Variants in LUZP2 observed in about 807,000 individuals in gnomAD.
LUZP2 encodes leucine zipper protein 2.
LUZP2 carries 52 observed loss-of-function variants against 51.6 expected under a neutral mutation model. That is an observed-to-expected ratio of 1.01 (90% CI 0.81 to 1.27). The LOEUF (loss-of-function observed/expected upper bound fraction) is 1.27, where lower values mean the gene tolerates loss of function less well. LUZP2 is among the 50% of genes most tolerant of loss of function. The pLI, the probability that LUZP2 is intolerant of heterozygous loss-of-function variation, is 0.00. For synonymous variants in LUZP2, 154 were observed against 137.3 expected (o/e 1.12, Z -0.85); for missense variants, 436 against 395.4 (o/e 1.10, Z -0.87).
At chr11:24,932,637 C>G (rs1166831023) in intron 7 of LUZP2, among the ~76,000 whole-genome samples, 1 of 152,170 alleles carries the variant, frequency 6.6e-6, no homozygotes, top group Non-Finnish European at 1.5e-5. Flanking sequence ...AAAGGCTGCT[C>G]TCACTCTCAC....
intron 9 of LUZP2, among the ~76,000 whole-genome samples, chr11:25,042,871 A>T (rs1590868392): frequency 6.6e-6 from 1 of 152,266 alleles, no homozygotes; most frequent in Middle Eastern, 3.4e-3. Flanking sequence ...CCAGGATCCT[A>T]TGGAGTGAAA....
chr11:24,814,477 T>C (rs1205634167), intron 5 of LUZP2, among the ~76,000 whole-genome samples: 1 of 152,200 alleles, frequency 6.6e-6, no homozygotes, highest in Non-Finnish European at 1.5e-5. Flanking sequence ...TTCTGATATA[T>C]GTAAATGCTT....
intron 1 of LUZP2, among the ~76,000 whole-genome samples, chr11:24,653,805 A>G (rs1480346314): frequency 6.6e-6 from 1 of 152,240 alleles, no homozygotes; most frequent in Non-Finnish European, 1.5e-5. Context: ...AAGAGAGTCT[A>G]CAAATGTGTA....
intron 5 of LUZP2, among the ~76,000 whole-genome samples, chr11:24,812,982 C>A (rs558827427): frequency 1.3e-5 from 2 of 152,308 alleles, no homozygotes; most frequent in East Asian, 3.9e-4. Flanking sequence ...GCCACTCATG[C>A]CATATGCATA....
intron 10 of LUZP2, among the ~76,000 whole-genome samples, chr11:25,069,418 C>T (rs1859089549): frequency 6.6e-6 from 1 of 151,802 alleles, no homozygotes; most frequent in Non-Finnish European, 1.5e-5. Context: ...GCATCTGGTA[C>T]ATAACAGATA....
At chr11:24,974,383 A>G (rs1369561209) in intron 7 of LUZP2, among the ~76,000 whole-genome samples, 1 of 151,986 alleles carries the variant, frequency 6.6e-6, no homozygotes, top group Non-Finnish European at 1.5e-5. Context: ...TTGACTCTTT[A>G]TCAACGTTGC....
chr11:24,645,577 A>G (rs1381188413), intron 1 of LUZP2, among the ~76,000 whole-genome samples: 1 of 152,156 alleles, frequency 6.6e-6, no homozygotes, highest in Non-Finnish European at 1.5e-5. Flanking sequence ...TTTTGGTTCT[A>G]AAACAAACAG....
intron 5 of LUZP2, among the ~76,000 whole-genome samples, chr11:24,822,437 G>C (rs1194168904): frequency 1.3e-5 from 2 of 152,054 alleles, no homozygotes; most frequent in African/African-American, 4.8e-5. Flanking sequence ...GTGTGGGTGT[G>C]GGTGTGTGTT....
intron 5 of LUZP2, among the ~76,000 whole-genome samples, chr11:24,840,759 T>C (rs1851004481): frequency 1.3e-5 from 2 of 151,962 alleles, no homozygotes; most frequent in Admixed American, 6.6e-5. Flanking sequence ...ACAGAAAGCA[T>C]GTCTCCATAT....
At position 25,081,852 on chromosome 11, in the gene LUZP2, CA is replaced by C. The variant is rs1370633416; in HGVS notation, c.*3196del. The C allele has an allele frequency of 6.6e-6, 1 of 151,946 alleles. No homozygotes were observed. The highest frequency in any genetic ancestry group is 1.5e-5 in the Non-Finnish European group (1 of 67,960). The allele number at this position is 151,946 out of a possible 1,614,324, so 9.4% of individuals were successfully genotyped here. A position where few individuals can be genotyped will look rare whatever the true frequency, so the allele number is the denominator to read the frequency against. On this transcript the variant is annotated 3_prime_UTR_variant, in exon 12 of 12. Coordinates refer to ENST00000336930, the MANE Select transcript of LUZP2 (RefSeq NM_001009909.4). ...TCTTATTAAGAAAAAAGATATTTTC[CA>C]ATGGAGTAACTTGTTTTAATAGAGG...
intron 4 of LUZP2, among the ~76,000 whole-genome samples, chr11:24,739,116 G>T (rs970643309): frequency 6.6e-6 from 1 of 152,032 alleles, no homozygotes; most frequent in African/African-American, 2.4e-5. Flanking sequence ...CCACAGAGGG[G>T]CCACACGGGG....
intron 1 of LUZP2, among the ~76,000 whole-genome samples, chr11:24,632,313 T>C (rs1854925154): frequency 1.3e-5 from 2 of 152,028 alleles, no homozygotes; most frequent in African/African-American, 4.8e-5. Flanking sequence ...TGAAAGAGCT[T>C]GCTGTTTTCT....
intron 5 of LUZP2, among the ~76,000 whole-genome samples, chr11:24,816,383 T>C (rs1850184129): frequency 6.6e-6 from 1 of 152,142 alleles, no homozygotes; most frequent in South Asian, 2.1e-4. Flanking sequence ...GGTTAAAAAG[T>C]GTTTTTAAGC....
intron 5 of LUZP2, among the ~76,000 whole-genome samples, chr11:24,897,216 G>A (rs554947075): frequency 1.1e-4 from 17 of 152,234 alleles, no homozygotes; most frequent in Non-Finnish European, 2.1e-4. Context: ...TCAGCACTCC[G>A]TAAAATGGGC....
At chr11:24,601,397 C>A (rs1220281653) in intron 1 of LUZP2, among the ~76,000 whole-genome samples, 1 of 151,868 alleles carries the variant, frequency 6.6e-6, no homozygotes, top group Non-Finnish European at 1.5e-5. Context: ...GTGGAGTTAA[C>A]AATTTTTTTA....
chr11:25,044,253 GTGTGTATATATATATA>G (rs1485246593), intron 9 of LUZP2, among the ~76,000 whole-genome samples: 92 of 31,792 alleles, frequency 2.9e-3, no homozygotes, highest in Non-Finnish European at 4.0e-3. Flanking sequence ...GTGTGTGTGT[GTGTGTATATATATATA>G]TATATATATA....
intron 9 of LUZP2, among the ~76,000 whole-genome samples, chr11:25,032,989 A>G (rs1053155415): frequency 1.3e-5 from 2 of 152,202 alleles, no homozygotes; most frequent in African/African-American, 4.8e-5. Flanking sequence ...ATTATACAGA[A>G]TCCCATAAGA....
At chr11:24,832,642 A>G (rs999233287) in intron 5 of LUZP2, among the ~76,000 whole-genome samples, 1 of 151,690 alleles carries the variant, frequency 6.6e-6, no homozygotes, top group African/African-American at 2.4e-5. Context: ...GAGACACACT[A>G]TAACAAAATT....
chr11:24,533,578 TCTC>T (rs1851079028), intron 1 of LUZP2, among the ~76,000 whole-genome samples: 2 of 151,294 alleles, frequency 1.3e-5, no homozygotes, highest in African/African-American at 4.8e-5. Flanking sequence ...AATATTTTGT[TCTC>T]CTGATATAAA....
Sources: gnomAD v4.1 joint callset for allele counts (sites outside exome capture counted in the v4.1 genomes callset) on GRCh38, gnomAD v4.1.1 for gene constraint, MANE v1.5 for transcripts, NCBI Gene and HGNC (gene_info 2026-07-23, HGNC 2026-07-21) for gene names.